TASP1: variants seen among roughly 807,000 people sequenced by gnomAD.
TASP1 encodes taspase 1.
TASP1 carries 16 observed loss-of-function variants against 56.6 expected under a neutral mutation model. The ratio of observed to expected loss-of-function variants is 0.28; its 90% confidence interval spans 0.19 to 0.43. The LOEUF (loss-of-function observed/expected upper bound fraction) is 0.43, where lower values mean the gene tolerates loss of function less well. Among genes scored for constraint, TASP1 ranks in the 20% least tolerant of loss-of-function variants. TASP1 has a pLI of 1.00. For missense variants in TASP1, 393 were observed against 511.6 expected (o/e 0.77, Z 2.24); for synonymous variants, 179 against 184.2 (o/e 0.97, Z 0.23).
chr20:13,413,985 T>C (rs1055787338), intron 13 of TASP1, among the ~76,000 whole-genome samples: 1 of 152,174 alleles, frequency 6.6e-6, no homozygotes, highest in African/African-American at 2.4e-5. Flanking sequence ...GTAATCAACT[T>C]CAGTAAGTTT....
chr20:13,451,174 C>T (rs1375359887), intron 11 of TASP1, among the ~76,000 whole-genome samples: 1 of 152,064 alleles, frequency 6.6e-6, no homozygotes, highest in Admixed American at 6.6e-5. Flanking sequence ...GTGCTGTCAT[C>T]TAGACTTTGT....
chr20:13,531,528 T>G (rs997622672), intron 9 of TASP1, among the ~76,000 whole-genome samples: 1 of 151,448 alleles, frequency 6.6e-6, no homozygotes, highest in Non-Finnish European at 1.5e-5. Flanking sequence ...AATCTTGCTC[T>G]GTCTCCCAGG....
chr20:13,124,347 A>AAGGGAGGAAGGGAAGAAGGG, the TASP1 span, among the ~76,000 whole-genome samples: 2 of 151,750 alleles, frequency 1.3e-5, no homozygotes, highest in Admixed American at 1.3e-4. Flanking sequence ...AGAAGGAAGG[A>AAGGGAGGAAGGGAAGAAGGG]AGGGAGGAAG....
chr20:13,104,833 C>T, the TASP1 span, among the ~76,000 whole-genome samples: 1 of 152,074 alleles, frequency 6.6e-6, no homozygotes, highest in African/African-American at 2.4e-5. Flanking sequence ...ATTAAATCAA[C>T]AAGAACAGGT....
chr20:13,584,274 A>G (rs2047226325), intron 5 of TASP1, among the ~76,000 whole-genome samples: 2 of 152,242 alleles, frequency 1.3e-5, no homozygotes, highest in Admixed American at 6.5e-5. Flanking sequence ...AAATACAAGT[A>G]AATTGTGCTT....
At chr20:13,439,478 G>A (rs886653357) in intron 11 of TASP1, among the ~76,000 whole-genome samples, 2 of 152,126 alleles carry the variant, frequency 1.3e-5, no homozygotes, top group Non-Finnish European at 2.9e-5. Flanking sequence ...GACACAGGAA[G>A]GGGAACATCA....
At chr20:13,138,532 C>T in the TASP1 span, among the ~76,000 whole-genome samples, 17 of 152,130 alleles carry the variant, frequency 1.1e-4, no homozygotes, top group Non-Finnish European at 1.5e-4. Flanking sequence ...TTAATTGCAC[C>T]TTAAGCATCA....
At chr20:13,459,193 T>C (rs2043961508) in intron 11 of TASP1, among the ~76,000 whole-genome samples, 1 of 152,130 alleles carries the variant, frequency 6.6e-6, no homozygotes, top group African/African-American at 2.4e-5. Context: ...TCTTACTTTA[T>C]TTATGTTACC....
At chr20:13,349,117 G>T in the TASP1 span, among the ~76,000 whole-genome samples, 2 of 152,170 alleles carry the variant, frequency 1.3e-5, no homozygotes, top group African/African-American at 4.8e-5. Context: ...ACTAGCTGTG[G>T]TTTGGTTCCT....
At chr20:13,246,712 C>G in the TASP1 span, among the ~76,000 whole-genome samples, 1 of 152,216 alleles carries the variant, frequency 6.6e-6, no homozygotes, top group Non-Finnish European at 1.5e-5. Flanking sequence ...AAGACCTTGT[C>G]CAATCCCCCA....
At chr20:13,213,474 G>C in the TASP1 span, among the ~76,000 whole-genome samples, 1 of 152,120 alleles carries the variant, frequency 6.6e-6, no homozygotes, top group Non-Finnish European at 1.5e-5. Context: ...TTTGATTGCA[G>C]CAGACAAAAT....
At chr20:13,169,359 T>C in the TASP1 span, among the ~76,000 whole-genome samples, 3 of 152,136 alleles carry the variant, frequency 2.0e-5, no homozygotes, top group Admixed American at 2.0e-4. Context: ...TAGAGAGCTG[T>C]CTGTTAAACA....
At chr20:13,398,830 C>A (rs1382687734) in intron 13 of TASP1, among the ~76,000 whole-genome samples, 1 of 152,158 alleles carries the variant, frequency 6.6e-6, no homozygotes, top group Non-Finnish European at 1.5e-5. Flanking sequence ...AGATCAACCT[C>A]CTCCTCCAGT....
chr20:13,432,885 T>G (rs2042860713), intron 12 of TASP1, among the ~76,000 whole-genome samples: 1 of 152,142 alleles, frequency 6.6e-6, no homozygotes, highest in Non-Finnish European at 1.5e-5. Flanking sequence ...ACTGTGATAC[T>G]CCTTTTTAGG....
the TASP1 span, among the ~76,000 whole-genome samples, chr20:13,184,028 C>CAAA: frequency 1.6e-5 from 1 of 61,562 alleles, no homozygotes; most frequent in African/African-American, 6.4e-5. Context: ...GACTCTGTCT[C>CAAA]AAAAAAAAAA....
intron 11 of TASP1, among the ~76,000 whole-genome samples, chr20:13,480,122 T>C (rs1232069708): frequency 6.6e-6 from 1 of 152,240 alleles, no homozygotes; most frequent in Non-Finnish European, 1.5e-5. Flanking sequence ...CCAAATTATC[T>C]GCCTGAAAAG....
chr20:13,483,325 T>C lies in TASP1; in HGVS notation c.887A>G (p.His296Arg). The change falls in exon 11 of 14, where the codon CAT (histidine) becomes CGT (arginine). Residue 296 changes from histidine (H) to arginine (R), a missense_variant. Around this residue, in one of 3 missense-constraint regions of TASP1, gnomAD observed 293 missense variants for 354.2 expected, o/e 0.83. Transcript: ENST00000337743. ...TCTAGCCAGTATGGTGCGCACAAGA[T>C]GCTCTCCACATCCTAGAAATCCAAA... ...TAVSTSGCGE[H>R]LVRTILAREC... 1 of 1,574,374 alleles carries C rather than the reference T, an allele frequency of 6.4e-7. No individual in the cohort carries two copies. The highest frequency in any genetic ancestry group is 8.6e-7 in the Non-Finnish European group (1 of 1,158,790).
At chr20:13,147,718 G>C in the TASP1 span, among the ~76,000 whole-genome samples, 1 of 152,134 alleles carries the variant, frequency 6.6e-6, no homozygotes, top group Non-Finnish European at 1.5e-5. Flanking sequence ...CATCTCTAAA[G>C]ACAAGGACCT....
chr20:13,515,038 T>A (rs1386708161), intron 10 of TASP1, among the ~76,000 whole-genome samples: 1 of 152,286 alleles, frequency 6.6e-6, no homozygotes, highest in South Asian at 2.1e-4. Context: ...ATAAATACAT[T>A]TGATTCAGCA....
Sources: gnomAD v4.1 joint callset for allele counts (sites outside exome capture counted in the v4.1 genomes callset) on GRCh38, gnomAD v4.1.1 for gene constraint, gnomAD v4.1.1 regional missense constraint, MANE v1.5 for transcripts, NCBI Gene and HGNC (gene_info 2026-07-23, HGNC 2026-07-21) for gene names.